Variants in KRT74 observed in about 807,000 individuals in gnomAD.
KRT74 encodes the protein keratin, type II cytoskeletal 74.
Under a neutral mutation model 42.7 loss-of-function variants are expected in KRT74, and 43 were observed. The ratio of observed to expected loss-of-function variants is 1.01; its 90% CI spans 0.79 to 1.30. The LOEUF is 1.30. Ranked by LOEUF, KRT74 falls within the 50% of genes most tolerant of loss-of-function variation. KRT74 has a pLI of 0.00. For synonymous variants in KRT74, 302 were observed against 279.0 expected, an observed-to-expected ratio of 1.08 and a Z score of -0.82; for missense variants, 736 against 689.1, an observed-to-expected ratio of 1.07 and a Z score of -0.76.
chr12:52,568,204 G>A lies in KRT74; in HGVS notation c.1320C>T (p.Ala440=), dbSNP rs150436970. Residue 440 remains alanine (A), a synonymous_variant, in exon 7 of 9, where the codon GCC becomes GCT. Coordinates refer to ENST00000305620, the MANE Select transcript of KRT74 (RefSeq NM_175053.4). ...SLKLALDMEI[A]TYRKLLEGEE... is the part of the protein sequence containing the mutation. ...CGCCCTCCAGCAGCTTGCGGTAGGT[G>A]GCAATCTCCATGTCCAGGGCCAGTT... is the stretch of plus-strand genomic sequence containing the variant. The A allele has an allele frequency of 1.5e-4, 240 of 1,614,160 alleles. 1 individual carries two copies. In the East Asian group the frequency reaches 5.0e-3, roughly 34 times the overall value.
In KRT74 at chr12:52,573,334, G is replaced by C. The variant is rs267607205; in HGVS notation, c.444C>G (p.Asn148Lys). ...AQEREQIKVLNDKFASFIDKV... is the reference protein window; with the variant it reads ...AQEREQIKVLKDKFASFIDKV... ...TGTCAATGAAGGAGGCGAACTTGTC[G>C]TTCAGCACCTTGATCTGTTCCCGCT... Residue 148 changes from asparagine (N) to lysine (K), a missense_variant, in exon 1 of 9, where the codon AAC becomes AAG. Physicochemically the swap from Asn to Lys is moderately conservative, Grantham distance 94. Transcript: ENST00000305620. 2 of 1,614,050 alleles carry C rather than the reference G, an allele frequency of 1.2e-6. No individual in the cohort carries two copies. The highest frequency in any genetic ancestry group is 1.1e-5 in the South Asian group (1 of 91,082).
At position 52,571,140 on chromosome 12, in the gene KRT74, C is replaced by T. The variant is rs653189; in HGVS notation, c.843+219G>A. On this transcript the variant is annotated intron_variant, in intron 4 of 8. Transcript: ENST00000305620. ...CCTCACTGGGTTATCTTTTCCTGCC[C>T]GTGGGCAAGTCCACTATTGTATCAA... 0.39 allele frequency among the ~76,000 whole-genome samples: 58,832 copies of T among 152,140 alleles called. 11,959 individuals are homozygous for T. The highest frequency in any genetic ancestry group is 0.52 in the East Asian group (2,682 of 5,160).
chr12:52,570,834 C>A lies in KRT74; in HGVS notation c.844-1G>T. The stretch of plus-strand genomic sequence containing the variant: ...CGTGAGTCTGGATCTGAGCGATCTC[C>A]TGCATTGAGAGAGGAAGACAGATTC... On this transcript the variant is annotated splice_acceptor_variant, in intron 4 of 8. Transcript: ENST00000305620. LOFTEE classifies it high-confidence loss of function. 6.2e-7 allele frequency: 1 copy of A among 1,614,248 alleles called. No homozygotes were observed. Among genetic ancestry groups the A allele is most frequent in the Non-Finnish European group, 8.5e-7 (1 of 1,180,038 alleles).
rs1037210876 is a variant in KRT74 at position 52,567,000 on chromosome 12, G to C, written c.1559C>G (p.Ala520Gly). The stretch of plus-strand genomic sequence containing the variant: ...GGTGGCTTTCCTTGCTGGGATGCTG[G>C]CTGGGGTGCTCTTGCCCTGGGTGTC... ...LKDTQGKSTPASIPARKATR is the reference protein window; with the variant it reads ...LKDTQGKSTPGSIPARKATR The change falls in exon 9 of 9, where the codon GCC becomes GGC. Residue 520 changes from alanine (A) to glycine (G), a missense_variant. By Grantham distance (60) the Ala-to-Gly change is moderately conservative. Coordinates refer to ENST00000305620, the MANE Select transcript of KRT74 (RefSeq NM_175053.4). 2 of 1,608,736 alleles carry C rather than the reference G, an allele frequency of 1.2e-6. No individual in the cohort carries two copies. The highest frequency in any genetic ancestry group is 2.2e-5 in the South Asian group (2 of 90,438).
At position 52,573,615 on chromosome 12, in the gene KRT74, C is replaced by T. The variant is rs1214600650; in HGVS notation, c.163G>A (p.Gly55Arg). 2 of 1,614,210 alleles carry T rather than the reference C, an allele frequency of 1.2e-6. No individual in the cohort carries two copies. The highest frequency in any genetic ancestry group is 8.5e-7 in the Non-Finnish European group (1 of 1,180,040). ...ACATTGAAAGAAATACGCCGATTCCCTCCAAGGCTATAGAGGCTCCGACTG... is the reference window on the plus strand; with the variant it reads ...ACATTGAAAGAAATACGCCGATTCCTTCCAAGGCTATAGAGGCTCCGACTG... ...FGSRSLYSLG[G>R]NRRISFNVAG... Residue 55 changes from glycine to arginine, a missense_variant, in exon 1 of 9, where the codon GGG (glycine) becomes AGG (arginine). Gly to Arg is a moderately radical substitution (Grantham distance 125). Coordinates refer to ENST00000305620, the MANE Select transcript of KRT74 (RefSeq NM_175053.4).
At position 52,566,995 on chromosome 12, in the gene KRT74, T is replaced by G; in HGVS notation, c.1564A>C (p.Ile522Leu). ...DTQGKSTPAS[I>L]PARKATR ...TAGCGGGTGGCTTTCCTTGCTGGGA[T>G]GCTGGCTGGGGTGCTCTTGCCCTGG... The change falls in exon 9 of 9, where the codon ATC (isoleucine) becomes CTC (leucine). Residue 522 changes from isoleucine (I) to leucine (L), a missense_variant. By Grantham distance (5) the Ile-to-Leu change is conservative (BLOSUM62 2). Transcript: ENST00000305620. 6.2e-7 allele frequency: 1 copy of G among 1,609,942 alleles called. No individual in the cohort carries two copies. The highest frequency in any genetic ancestry group is 2.2e-5 in the East Asian group (1 of 44,802).
intron 6 of KRT74, 147 bp from the exon 7 acceptor site, chr12:52,568,536 T>C: frequency 1.3e-6 from 1 of 789,760 alleles, no homozygotes; most frequent in Non-Finnish European, 2.1e-6. Context: ...ACTTTGTCTC[T>C]TCTATTTTCT....
intron 5 of KRT74, 127 bp downstream of exon 5, chr12:52,570,542 T>C: frequency 9.9e-7 from 1 of 1,014,124 alleles, no homozygotes; most frequent in South Asian, 1.4e-5. Context: ...CTTTTTTCCT[T>C]GAAGCCTTGG....
Position 52,567,513 on chromosome 12 carries a change from G to A in KRT74, c.1390+146C>T, listed in dbSNP as rs542956683. On this transcript the variant is annotated intron_variant, in intron 8 of 8. Transcript: ENST00000305620. Reference sequence around the variant, plus strand: ...CAGTCACCATTTCACAGGATGAAAAGGGAGAACATTTCCTTTGAAGCCCAG... The same window carrying A: ...CAGTCACCATTTCACAGGATGAAAAAGGAGAACATTTCCTTTGAAGCCCAG... The A allele has an allele frequency of 4.1e-6, 3 of 732,522 alleles. 1 individual carries two copies. The highest frequency in any genetic ancestry group is 3.0e-4 in the Middle Eastern group (1 of 3,324). 45.4% of individuals were successfully genotyped at this position (732,522 alleles called of 1,614,324 possible).
chr12:52,572,408 G>C (rs1359203695), intron 2 of KRT74, 45 bp downstream of exon 2: 2 of 1,601,120 alleles, frequency 1.2e-6, no homozygotes, highest in South Asian at 2.2e-5. Context: ...TGAGCCCAGA[G>C]GCACGGGAAA....
Position 52,569,926 on chromosome 12 carries a change from C to G in KRT74, c.1067G>C (p.Ser356Thr). Residue 356 changes from serine to threonine, a missense_variant, in exon 6 of 9, where the codon AGC becomes ACC. Coordinates refer to ENST00000305620, the MANE Select transcript of KRT74 (RefSeq NM_175053.4). ...RHGDDLKHTRSEMVELNRLIQ... is the reference protein window; with the variant it reads ...RHGDDLKHTRTEMVELNRLIQ... ...GAGCCGGTTCAGCTCCACCATCTCG[C>G]TCCTGGTGTGTTTCAGGTCGTCACC... The G allele has an allele frequency of 6.2e-7, 1 of 1,614,210 alleles. No individual in the cohort carries two copies. Among genetic ancestry groups the G allele is most frequent in the East Asian group, 2.2e-5 (1 of 44,870 alleles).
chr12:52,568,101 G>A, intron 7 of KRT74, 68 bp downstream of exon 7: 1 of 1,557,116 alleles, frequency 6.4e-7, no homozygotes, highest in Admixed American at 1.7e-5. Flanking sequence ...TGTTCTCCAG[G>A]TGGCCCCTCA....
intron 3 of KRT74, 130 bp from the exon 4 acceptor site, chr12:52,571,584 T>C: frequency 1.4e-6 from 1 of 733,370 alleles, no homozygotes; most frequent in Non-Finnish European, 2.4e-6. Flanking sequence ...AATATCAATT[T>C]CTTCTCAGGC....
intron 6 of KRT74, 179 bp from the exon 7 acceptor site, chr12:52,568,568 C>G (rs1220376279): frequency 1.5e-6 from 1 of 677,276 alleles, no homozygotes; most frequent in Admixed American, 2.7e-5. Flanking sequence ...GTATTCAAAG[C>G]TGTTATCACA....
chr12:52,572,444 C>A lies in KRT74; in HGVS notation c.686+9G>T, dbSNP rs1185549062. 3 of 1,613,698 alleles carry A rather than the reference C, an allele frequency of 1.9e-6. No individual in the cohort carries two copies. Among genetic ancestry groups the A allele is most frequent in the Admixed American group, 1.7e-5 (1 of 59,998 alleles). The stretch of plus-strand genomic sequence containing the variant: ...CATGGTCTGTGACCCTCGGGTGGAG[C>A]CTGCTCACCTCTTCTTATAGTCCTC... On this transcript the variant is annotated intron_variant, in intron 2 of 8. Coordinates refer to ENST00000305620, the MANE Select transcript of KRT74 (RefSeq NM_175053.4).
At position 52,566,880 on chromosome 12, in the gene KRT74, A is replaced by T. The variant is rs1939390020; in HGVS notation, c.*89T>A. On this transcript the variant is annotated 3_prime_UTR_variant, in exon 9 of 9. Coordinates refer to ENST00000305620, the MANE Select transcript of KRT74 (RefSeq NM_175053.4). ...TGTACTACAGACAGTTTTAAAACTC[A>T]GGGCCTGGGAACTTGGGTGTGGCAG... 9.0e-7 allele frequency: 1 copy of T among 1,110,504 alleles called. No individual in the cohort carries two copies. The highest frequency in any genetic ancestry group is 1.3e-6 in the Non-Finnish European group (1 of 762,306). 68.8% of individuals were successfully genotyped at this position (1,110,504 alleles called of 1,614,324 possible). A position where few individuals can be genotyped will look rare whatever the true frequency, so the allele number is the denominator to read the frequency against.
In KRT74 at chr12:52,573,450, C is replaced by T; in HGVS notation, c.328G>A (p.Gly110Arg). Residue 110 changes from glycine to arginine, a missense_variant, in exon 1 of 9, where the codon GGG becomes AGG. Transcript: ENST00000305620. The part of the protein sequence containing the change: ...GPACLSVCPP[G>R]GIHQVTVNKS... ...TTGACAGTGACCTGGTGGATGCCCC[C>T]AGGTGGGCACACAGACAAACATGCA... 4 of 1,614,202 alleles carry T rather than the reference C, an allele frequency of 2.5e-6. No individual in the cohort carries two copies. The highest frequency in any genetic ancestry group is 3.4e-6 in the Non-Finnish European group (4 of 1,180,040).
chr12:52,569,651 A>G, intron 6 of KRT74: 1 of 634,880 alleles, frequency 1.6e-6, no homozygotes, highest in East Asian at 2.7e-5. Context: ...GAGTCAGAGA[A>G]ATAGGTTTGA....
rs997398773 is a variant in KRT74, at chr12:52,566,634, C to A, written c.*335G>T. 9 of 273,890 alleles carry A rather than the reference C, an allele frequency of 3.3e-5. No homozygotes were observed. Among genetic ancestry groups the A allele is most frequent in the African/African-American group, 2.0e-4 (9 of 45,992 alleles). The allele number at this position is 273,890 out of a possible 1,614,324, so 17.0% of individuals were successfully genotyped here. ...CTAAGCACAGAACAAACCAGCCCCT[C>A]CCCTGTCGTCTCCTGCTCCTTCCCT... On this transcript the variant is annotated 3_prime_UTR_variant, in exon 9 of 9. Transcript: ENST00000305620.
Sources: allele counts gnomAD v4.1 joint callset (sites outside exome capture counted in the v4.1 genomes callset), GRCh38; gene constraint gnomAD v4.1.1; transcripts MANE v1.5; gene names NCBI Gene and HGNC (gene_info 2026-07-23, HGNC 2026-07-21).